SPATA6L: variants seen among roughly 807,000 people sequenced by gnomAD.
The protein encoded by SPATA6L is spermatogenesis associated 6-like protein.
SPATA6L carries 68 observed loss-of-function variants against 49.2 expected under a neutral mutation model. The ratio of observed to expected loss-of-function variants is 1.38; its 90% CI spans 1.14 to 1.69. The LOEUF (loss-of-function observed/expected upper bound fraction) is 1.69. SPATA6L is among the 40% of genes most tolerant of loss of function. The pLI is 0.00. For synonymous variants in SPATA6L, 198 were observed against 165.7 expected, an observed-to-expected ratio of 1.19 and a Z score of -1.50; for missense variants, 668 against 464.3, an observed-to-expected ratio of 1.44 and a Z score of -4.03.
At chr9:4,655,626 G>A (rs1394670086) in intron 3 of SPATA6L, among the ~76,000 whole-genome samples, 1 of 151,506 alleles carries the variant, frequency 6.6e-6, no homozygotes, top group African/African-American at 2.4e-5. Context: ...TCGGCTCACT[G>A]TAACCTCCGC....
intron 3 of SPATA6L, among the ~76,000 whole-genome samples, chr9:4,645,361 T>C (rs1835136670): frequency 6.6e-6 from 1 of 152,350 alleles, no homozygotes; most frequent in East Asian, 1.9e-4. Context: ...CTGGGTAATT[T>C]ATTTTTAAAA....
Position 4,617,891 on chromosome 9 carries a change from G to C in SPATA6L, c.995+32C>G, listed in dbSNP as rs377696326. ...ACCCCTGCCAGGCCACAATGCACTC[G>C]TCAGGCAAACAGATGGGTGCTTGCC... On this transcript the variant is annotated intron_variant, in intron 9 of 11. Coordinates refer to ENST00000682582, the MANE Select transcript of SPATA6L (RefSeq NM_001353486.2). 3 of 1,548,848 alleles carry C rather than the reference G, an allele frequency of 1.9e-6. No individual in the cohort carries two copies. In the Admixed American group the frequency reaches 5.4e-5, roughly 28 times the overall value.
At position 4,600,023 on chromosome 9, in the gene SPATA6L, C is replaced by G. The variant is rs1254567838; in HGVS notation, c.*788G>C. On this transcript the variant is annotated 3_prime_UTR_variant, in exon 12 of 12. Transcript: ENST00000682582. ...ACACTGTGTAAGCATTTCATAGATG[C>G]ACCTTCCTAACTAACTTTAAAACCT... Among the ~76,000 whole-genome samples the G allele has an allele frequency of 6.6e-6, 1 of 152,200 alleles. No individual in the cohort carries two copies. Among genetic ancestry groups the G allele is most frequent in the Admixed American group, 6.5e-5 (1 of 15,278 alleles).
intron 9 of SPATA6L, among the ~76,000 whole-genome samples, chr9:4,616,909 G>A (rs987252281): frequency 5.3e-5 from 8 of 152,150 alleles, no homozygotes; most frequent in Middle Eastern, 3.2e-3. Flanking sequence ...AAAAATCTAT[G>A]TTGTATTATT....
intron 3 of SPATA6L, among the ~76,000 whole-genome samples, chr9:4,654,772 C>T (rs998789871): frequency 1.3e-5 from 2 of 152,174 alleles, no homozygotes; most frequent in African/African-American, 4.8e-5. Context: ...CGATGTCCAG[C>T]CGCTTCTGTC....
chr9:4,663,858 T>C (rs1840432749), intron 1 of SPATA6L: 1 of 167,046 alleles, frequency 6.0e-6, no homozygotes, highest in African/African-American at 2.4e-5. Flanking sequence ...CTCTATAATT[T>C]ATTATCTCTA....
chr9:4,617,841 GA>G (rs1479679270), intron 9 of SPATA6L, 81 bp downstream of exon 9: 2 of 1,158,408 alleles, frequency 1.7e-6, no homozygotes, highest in African/African-American at 3.1e-5. Context: ...CCTAAGAAAG[GA>G]AGCTGGTGAA....
chr9:4,656,327 T>C (rs1392819629), intron 2 of SPATA6L, among the ~76,000 whole-genome samples: 2 of 152,042 alleles, frequency 1.3e-5, no homozygotes, highest in East Asian at 3.9e-4. Context: ...TATTCCCAGC[T>C]ACTTGTGGGG....
intron 4 of SPATA6L, among the ~76,000 whole-genome samples, chr9:4,629,629 C>T (rs1436598837): frequency 6.6e-6 from 1 of 151,580 alleles, no homozygotes; most frequent in Non-Finnish European, 1.5e-5. Context: ...GAAAAACTTG[C>T]TTTATATTTT....
intron 3 of SPATA6L, chr9:4,646,241 T>C (rs1288958350): frequency 9.7e-6 from 3 of 309,508 alleles, no homozygotes; most frequent in South Asian, 1.3e-4. Context: ...TATTAAAAAA[T>C]GGAAAGACAA....
chr9:4,644,125 T>C (rs1404490477), intron 3 of SPATA6L, among the ~76,000 whole-genome samples: 1 of 130,650 alleles, frequency 7.7e-6, no homozygotes, highest in East Asian at 2.4e-4. Context: ...GGTGGGAGAA[T>C]CACTTGCATC....
At chr9:4,601,365 G>A (rs1034131725) in intron 11 of SPATA6L, among the ~76,000 whole-genome samples, 11 of 55,140 alleles carry the variant, frequency 2.0e-4, no homozygotes, top group Admixed American at 1.2e-3. Context: ...TTCTTTACGG[G>A]AGGTTTTTTT....
chr9:4,604,059 C>G, intron 11 of SPATA6L, 120 bp downstream of exon 11: 1 of 640,642 alleles, frequency 1.6e-6, no homozygotes, highest in Non-Finnish European at 2.7e-6. Context: ...CAGGTCTCCT[C>G]CAAGTCTCCT....
Position 4,635,226 on chromosome 9 carries a change from C to T in SPATA6L, c.351+49G>A, listed in dbSNP as rs142399380. The T allele has an allele frequency of 1.2e-5, 17 of 1,462,168 alleles. No homozygotes were observed. The South Asian group carries it at 2.4e-4, about 20-fold the overall frequency. 90.6% of individuals were successfully genotyped at this position (1,462,168 alleles called of 1,614,324 possible). On this transcript the variant is annotated intron_variant, in intron 4 of 11. Transcript: ENST00000682582. ...CTGTCAGGAATAAAACGTTCAGGTC[C>T]CAAGAGTTTCTCTCCTAATAGAAGC...
chr9:4,617,920 G>A lies in SPATA6L; in HGVS notation c.995+3C>T. The A allele has an allele frequency of 1.2e-6, 2 of 1,603,778 alleles. No homozygotes were observed. Among genetic ancestry groups the A allele is most frequent in the Admixed American group, 1.7e-5 (1 of 59,206 alleles). On this transcript the variant is annotated splice_donor_region_variant and intron_variant, in intron 9 of 11. Transcript: ENST00000682582. ...GGCAAACAGATGGGTGCTTGCCACT[G>A]ACCTTTCTCTGAGAAGGGGCTGATC...
intron 3 of SPATA6L, among the ~76,000 whole-genome samples, chr9:4,643,638 T>C (rs544975889): frequency 6.6e-6 from 1 of 152,216 alleles, no homozygotes; most frequent in East Asian, 1.9e-4. Context: ...AAACCCAAAA[T>C]ACTATGGAAA....
intron 6 of SPATA6L, among the ~76,000 whole-genome samples, chr9:4,623,251 G>A (rs901847957): frequency 2.0e-5 from 3 of 152,116 alleles, no homozygotes; most frequent in South Asian, 4.1e-4. Context: ...TTGTACTCCA[G>A]CCTGGGCAAC....
At chr9:4,590,917 C>G (rs1033298797) in intron 13 of SPATA6L, among the ~76,000 whole-genome samples, 2 of 152,172 alleles carry the variant, frequency 1.3e-5, no homozygotes, top group African/African-American at 4.8e-5. Context: ...AAGCCATTAC[C>G]AAGTGTTAGC....
chr9:4,658,344 G>A (rs1377446743), intron 2 of SPATA6L, among the ~76,000 whole-genome samples: 1 of 152,164 alleles, frequency 6.6e-6, no homozygotes, highest in Admixed American at 6.5e-5. Context: ...ATTCCATTTT[G>A]AATTACACAG....
Sources: gnomAD v4.1 joint callset for allele counts (sites outside exome capture counted in the v4.1 genomes callset) on GRCh38, gnomAD v4.1.1 for gene constraint, MANE v1.5 for transcripts, NCBI Gene and HGNC (gene_info 2026-07-23, HGNC 2026-07-21) for gene names.